The following KRT8 variants were observed in gnomAD, a reference collection of about 807,000 sequenced individuals.
The protein encoded by KRT8 is keratin, type II cytoskeletal 8.
Under a neutral mutation model 43.0 loss-of-function variants are expected in KRT8, and 24 were observed. The observed-to-expected ratio is 0.56, with a 90% CI of 0.40 to 0.78. KRT8 has a LOEUF of 0.78. KRT8 is among the 30% of genes least tolerant of loss of function. The pLI, the probability that KRT8 is intolerant of heterozygous loss-of-function variation, is 0.00. For missense variants in KRT8, 492 were observed against 638.4 expected (o/e 0.77, Z 2.47); for synonymous variants, 214 against 261.2 (o/e 0.82, Z 1.74).
At chr12:52,927,055 T>C (rs1171210753) in intron 2 of KRT8, among the ~76,000 whole-genome samples, 1 of 152,118 alleles carries the variant, frequency 6.6e-6, no homozygotes, top group African/African-American at 2.4e-5. Flanking sequence ...CTATCTTCTG[T>C]CCCTTACCCT....
chr12:52,946,144 A>G (rs1942340654), intron 2 of KRT8, among the ~76,000 whole-genome samples: 1 of 152,142 alleles, frequency 6.6e-6, no homozygotes, highest in African/African-American at 2.4e-5. Context: ...CTGCACCTCC[A>G]CAGGTCCCAG....
At chr12:52,944,386 T>C (rs761151619) in intron 2 of KRT8, among the ~76,000 whole-genome samples, 27 of 152,212 alleles carry the variant, frequency 1.8e-4, no homozygotes, top group Non-Finnish European at 2.8e-4. Context: ...ATGAGCCACC[T>C]GGCCGAATCC....
intron 2 of KRT8, chr12:52,948,772 G>C (rs999799505): frequency 1.0e-4 from 41 of 408,672 alleles, no homozygotes; most frequent in Non-Finnish European, 1.7e-4. Context: ...TTACAGGCGT[G>C]AGCCACTGCG....
chr12:52,934,560 A>G (rs2120707691), intron 2 of KRT8, among the ~76,000 whole-genome samples: 1 of 152,292 alleles, frequency 6.6e-6, no homozygotes, highest in East Asian at 1.9e-4. Flanking sequence ...TTCTGTCTCA[A>G]AAATAATAAT....
At chr12:52,904,585 A>T in intron 1 of KRT8, 73 bp downstream of exon 1, 1 of 1,382,340 alleles carries the variant, frequency 7.2e-7, no homozygotes, top group South Asian at 1.2e-5. Flanking sequence ...GGGGCTGGAG[A>T]TGTGCATAGG....
At chr12:52,918,507 T>G (rs1378757138) in intron 2 of KRT8, among the ~76,000 whole-genome samples, 1 of 152,120 alleles carries the variant, frequency 6.6e-6, no homozygotes, top group Non-Finnish European at 1.5e-5. Flanking sequence ...GCCGCGCAGG[T>G]GCAGCTGCCC....
chr12:52,901,387 C>G (rs1348842673), intron 2 of KRT8, 168 bp from the exon 3 acceptor site: 1 of 681,556 alleles, frequency 1.5e-6, no homozygotes, highest in Non-Finnish European at 2.7e-6. Context: ...CCACCCTCAC[C>G]CCTCCCTTAG....
chr12:52,916,228 A>G (rs1476704316), intron 2 of KRT8, among the ~76,000 whole-genome samples: 1 of 152,106 alleles, frequency 6.6e-6, no homozygotes, highest in East Asian at 1.9e-4. Context: ...TGGGGTGTTC[A>G]GGATAGATGG....
chr12:52,935,135 C>G (rs1193620510), intron 2 of KRT8, among the ~76,000 whole-genome samples: 2 of 151,380 alleles, frequency 1.3e-5, no homozygotes, highest in African/African-American at 4.8e-5. Flanking sequence ...AATCCCAGCA[C>G]TTTGGGAGGC....
intron 5 of KRT8, among the ~76,000 whole-genome samples, chr12:52,899,316 AAAAT>A (rs1357375329): frequency 6.6e-6 from 1 of 152,068 alleles, no homozygotes; most frequent in East Asian, 1.9e-4. Context: ...CTCTGTCTCA[AAAAT>A]AAATAAATAA....
intron 2 of KRT8, among the ~76,000 whole-genome samples, chr12:52,933,135 G>T (rs1211055351): frequency 2.0e-5 from 3 of 151,944 alleles, no homozygotes; most frequent in Admixed American, 2.0e-4. Flanking sequence ...CAGTAGAGAC[G>T]GGGTTTCACC....
At chr12:52,935,178 C>T (rs1942147223) in intron 2 of KRT8, among the ~76,000 whole-genome samples, 1 of 150,544 alleles carries the variant, frequency 6.6e-6, no homozygotes. Context: ...GTTAGGAGTT[C>T]GAGACCAGCC....
chr12:52,909,165 C>T (rs1313540521), upstream of KRT8, among the ~76,000 whole-genome samples: 4 of 152,172 alleles, frequency 2.6e-5, no homozygotes, highest in Non-Finnish European at 5.9e-5. Flanking sequence ...AAGATAACCA[C>T]AAAAGCATAA....
At chr12:52,926,522 C>T (rs918190892) in intron 2 of KRT8, 8 of 1,447,156 alleles carry the variant, frequency 5.5e-6, no homozygotes, top group Middle Eastern at 1.7e-4. Context: ...TCACCTCTGC[C>T]GGAAGTGGCC....
chr12:52,943,923 C>G (rs915435858), intron 2 of KRT8, among the ~76,000 whole-genome samples: 2 of 152,182 alleles, frequency 1.3e-5, no homozygotes, highest in African/African-American at 2.4e-5. Context: ...ATTTCACCCC[C>G]CTTTTCAAAG....
chr12:52,910,954 G>T (rs1443042583), upstream of KRT8, among the ~76,000 whole-genome samples: 1 of 152,172 alleles, frequency 6.6e-6, no homozygotes, highest in Non-Finnish European at 1.5e-5. Context: ...TCAGGCAGTA[G>T]TCTAAAAAAT....
chr12:52,944,786 C>T (rs1034509166), intron 2 of KRT8, among the ~76,000 whole-genome samples: 1 of 152,182 alleles, frequency 6.6e-6, no homozygotes, highest in African/African-American at 2.4e-5. Flanking sequence ...ACTCTCCCAC[C>T]CCTGGGGAAG....
At chr12:52,919,806 G>T (rs1941847640) in intron 2 of KRT8, among the ~76,000 whole-genome samples, 1 of 151,890 alleles carries the variant, frequency 6.6e-6, no homozygotes, top group South Asian at 2.1e-4. Context: ...GCACCACCAT[G>T]CCCGGATAAT....
At chr12:52,930,449 G>A (rs1378643443) in intron 2 of KRT8, among the ~76,000 whole-genome samples, 2 of 152,160 alleles carry the variant, frequency 1.3e-5, no homozygotes, top group African/African-American at 2.4e-5. Context: ...TCGAACTCTC[G>A]ACCTCAGGCG....
Sources: gnomAD v4.1 joint callset for allele counts (sites outside exome capture counted in the v4.1 genomes callset) on GRCh38, gnomAD v4.1.1 for gene constraint, MANE v1.5 for transcripts, NCBI Gene and HGNC (gene_info 2026-07-23, HGNC 2026-07-21) for gene names.